ZNF721: variants seen among roughly 807,000 people sequenced by gnomAD.
ZNF721 encodes the protein zinc finger protein 721.
ZNF721 carries 2 observed loss-of-function variants against 2.4 expected under a neutral mutation model. The observed-to-expected ratio is 0.82, with a 90% CI of 0.34 to 2.58. The LOEUF is 2.58. Among genes scored for constraint, ZNF721 ranks in the 30% most tolerant of loss-of-function variants. The probability of loss-of-function intolerance (pLI) is 0.11; values close to 1 mark genes in which losing one functional copy is unlikely to be tolerated. For missense variants in ZNF721, 1,187 were observed against 1,085.5 expected (o/e 1.09, Z -1.31); for synonymous variants, 398 against 381.8 (o/e 1.04, Z -0.50).
chr4:450,925 A>G (rs1487904325), intron 2 of ZNF721, among the ~76,000 whole-genome samples: 2 of 122,224 alleles, frequency 1.6e-5, no homozygotes, highest in African/African-American at 3.1e-5. Context: ...CGACAGAGCA[A>G]GACTCTGTCT....
chr4:470,778 T>C (rs61793727), intron 2 of ZNF721, among the ~76,000 whole-genome samples: 26,857 of 151,942 alleles, frequency 0.18, 2,968 homozygotes, highest in Non-Finnish European at 0.23. Context: ...ATTCCAGCAA[T>C]TTGGGAGGCC....
intron 2 of ZNF721, among the ~76,000 whole-genome samples, chr4:471,860 C>G (rs1264237717): frequency 6.6e-6 from 1 of 151,962 alleles, no homozygotes; most frequent in Non-Finnish European, 1.5e-5. Context: ...CATATCAAAT[C>G]ATTACATTGT....
At chr4:482,929 A>G (rs1715804877) in intron 1 of ZNF721, among the ~76,000 whole-genome samples, 1 of 152,246 alleles carries the variant, frequency 6.6e-6, no homozygotes, top group South Asian at 2.1e-4. Flanking sequence ...TGTATTTCAA[A>G]TATTTCCAGG....
In ZNF721 at chr4:440,819, CCAT is replaced by C. The variant is rs2108686272; in HGVS notation, c.*873_*875del. The C allele has an allele frequency of 6.6e-6, 1 of 152,382 alleles. No homozygotes were observed. Among genetic ancestry groups the C allele is most frequent in the East Asian group, 1.9e-4 (1 of 5,186 alleles). The allele number at this position is 152,382 out of a possible 1,614,324, so 9.4% of individuals were successfully genotyped here. On this transcript the variant is annotated 3_prime_UTR_variant, in exon 3 of 3. Coordinates refer to ENST00000511833, the MANE Select transcript of ZNF721 (RefSeq NM_133474.4). ...TAGCTGGGATTACAGCCATGCACCA[CCAT>C]GTCCTGCTAATTTTTGTATTTTTAG...
At chr4:484,360 G>A (rs1560242827) in intron 1 of ZNF721, among the ~76,000 whole-genome samples, 1 of 152,206 alleles carries the variant, frequency 6.6e-6, no homozygotes, top group Non-Finnish European at 1.5e-5. Flanking sequence ...AATATGAAAT[G>A]TGTGGCACCT....
Position 442,795 on chromosome 4 carries a change from T to C in ZNF721, c.1672A>G (p.Thr558Ala). ...AAGGTTTTGCCACATTCTTCACATG[T>C]GTAGGGTTTCTCTCCAGTATGAATT... ...RRIHTGEKPY[T>A]CEECGKTFRQ... The change falls in exon 3 of 3, where the codon ACA (threonine) becomes GCA (alanine). Residue 558 changes from threonine (T) to alanine (A), a missense_variant. Coordinates refer to ENST00000511833, the MANE Select transcript of ZNF721 (RefSeq NM_133474.4). The C allele has an allele frequency of 3.1e-6, 5 of 1,614,004 alleles. No individual in the cohort carries two copies. Among genetic ancestry groups the C allele is most frequent in the Non-Finnish European group, 4.2e-6 (5 of 1,179,962 alleles).
Position 472,637 on chromosome 4 carries a change from G to A in ZNF721, c.-29C>T, listed in dbSNP as rs913722741. 2 of 1,613,902 alleles carry A rather than the reference G, an allele frequency of 1.2e-6. No individual in the cohort carries two copies. The highest frequency in any genetic ancestry group is 2.2e-5 in the East Asian group (1 of 44,876). Reference sequence around the variant, plus strand: ...ATCTCTATACAAATTCTGCTGGGCAGGGTCCAGGCATTTCCACTCTTCTGG... The same window carrying A: ...ATCTCTATACAAATTCTGCTGGGCAAGGTCCAGGCATTTCCACTCTTCTGG... On this transcript the variant is annotated 5_prime_UTR_variant, in exon 2 of 3. Transcript: ENST00000511833.
intron 1 of ZNF721, chr4:474,106 G>T: frequency 1.6e-6 from 2 of 1,250,520 alleles, no homozygotes; most frequent in Non-Finnish European, 2.2e-6. Flanking sequence ...GTGGAAGCAG[G>T]GAAGTGAGGC....
At chr4:467,139 A>C (rs6599345) in intron 2 of ZNF721, among the ~76,000 whole-genome samples, 72,101 of 151,782 alleles carry the variant, frequency 0.48, 19,215 homozygotes, top group African/African-American at 0.74. Flanking sequence ...ATGGTGTGAA[A>C]CCAGGAGGTG....
chr4:488,649 G>A (rs1270950869), intron 1 of ZNF721, among the ~76,000 whole-genome samples: 6 of 152,122 alleles, frequency 3.9e-5, no homozygotes, highest in Non-Finnish European at 8.8e-5. Context: ...GGCCAACACT[G>A]TGAAACCGCA....
At chr4:453,865 CCA>C (rs1374560447) in intron 2 of ZNF721, 1 of 152,204 alleles carries the variant, frequency 6.6e-6, no homozygotes, top group African/African-American at 2.4e-5. Context: ...AAGGTGAACT[CCA>C]CCTTCACCAT....
intron 1 of ZNF721, among the ~76,000 whole-genome samples, chr4:493,665 G>A (rs1378369176): frequency 7.4e-6 from 1 of 135,436 alleles, no homozygotes; most frequent in African/African-American, 2.9e-5. Flanking sequence ...GGCAACAGAG[G>A]AAGATTCCAT....
intron 2 of ZNF721, among the ~76,000 whole-genome samples, chr4:451,806 T>C (rs1714674933): frequency 6.6e-6 from 1 of 152,198 alleles, no homozygotes; most frequent in Admixed American, 6.5e-5. Flanking sequence ...CCACGAGGAC[T>C]GGGCTGGGAG....
chr4:458,773 G>T (rs1714921847), intron 2 of ZNF721, among the ~76,000 whole-genome samples: 1 of 152,090 alleles, frequency 6.6e-6, no homozygotes, highest in Admixed American at 6.5e-5. Flanking sequence ...TGGAACCCAG[G>T]GGGCAGAGGC....
rs782182834 is a variant in ZNF721 at position 442,885 on chromosome 4, G to A, written c.1582C>T (p.Pro528Ser). 1.1e-5 allele frequency: 18 copies of A among 1,614,002 alleles called. No homozygotes were observed. Among genetic ancestry groups the A allele is most frequent in the Admixed American group, 3.3e-5 (2 of 60,014 alleles). ...TTGCCACATACTTCACATGTGTAGG[G>A]TTTCTCTCCAGTATGAATTCTCCTA... Reference protein sequence around the residue: ...KHRRIHTGEKPYTCEVCGKAF... With the variant: ...KHRRIHTGEKSYTCEVCGKAF... The change falls in exon 3 of 3, where the codon CCC becomes TCC. Residue 528 changes from proline (P) to serine (S), a missense_variant. Pro to Ser is a moderately conservative substitution (Grantham distance 74, BLOSUM62 -1). Transcript: ENST00000511833.
In ZNF721 at chr4:441,135, G is replaced by A. The variant is rs1369564745; in HGVS notation, c.*560C>T. ...AGTAAGTTCTGGGATACAAGTACAG[G>A]TACTAGAGCCCTCTTTATCTTTGTA... On this transcript the variant is annotated 3_prime_UTR_variant, in exon 3 of 3. Coordinates refer to ENST00000511833, the MANE Select transcript of ZNF721 (RefSeq NM_133474.4). 1 of 152,692 alleles carries A rather than the reference G, an allele frequency of 6.5e-6. No individual in the cohort carries two copies. The highest frequency in any genetic ancestry group is 1.5e-5 in the Non-Finnish European group (1 of 68,400). 9.5% of individuals were successfully genotyped at this position (152,692 alleles called of 1,614,324 possible). A position where few individuals can be genotyped will look rare whatever the true frequency, so the allele number is the denominator to read the frequency against.
chr4:468,296 TGG>T (rs1259516979), intron 2 of ZNF721, among the ~76,000 whole-genome samples: 1 of 149,024 alleles, frequency 6.7e-6, no homozygotes, highest in African/African-American at 2.5e-5. Context: ...CTGGGTGTGA[TGG>T]AAGCGCCTGT....
intron 1 of ZNF721, among the ~76,000 whole-genome samples, chr4:497,586 C>T (rs933220772): frequency 1.3e-5 from 2 of 152,058 alleles, no homozygotes; most frequent in African/African-American, 2.4e-5. Context: ...AGATATCAAT[C>T]ATATGTATAA....
intron 1 of ZNF721, among the ~76,000 whole-genome samples, chr4:483,007 C>A (rs1715806066): frequency 6.6e-6 from 1 of 152,120 alleles, no homozygotes; most frequent in African/African-American, 2.4e-5. Context: ...AACGCTTATA[C>A]AGATGTACTG....
Sources: gnomAD v4.1 joint callset for allele counts (sites outside exome capture counted in the v4.1 genomes callset) on GRCh38, gnomAD v4.1.1 for gene constraint, MANE v1.5 for transcripts, NCBI Gene and HGNC (gene_info 2026-07-23, HGNC 2026-07-21) for gene names.